The following DMD variants were observed in gnomAD, a reference collection of about 807,000 sequenced individuals.
DMD encodes dystrophin.
A neutral mutation model predicts 330.1 loss-of-function variants in DMD; 63 were observed. That is an observed-to-expected ratio of 0.19 (90% CI 0.16 to 0.24). The LOEUF (loss-of-function observed/expected upper bound fraction) is 0.24. DMD is among the 10% of genes least tolerant of loss of function. DMD has a pLI of 1.00. For missense variants in DMD, 3,344 were observed against 2,684.1 expected, an observed-to-expected ratio of 1.25 and a Z score of -5.43; for synonymous variants, 1,223 against 959.8, an observed-to-expected ratio of 1.27 and a Z score of -5.07.
Position 32,645,132 on chromosome X carries a change from G to C in DMD, c.981C>G (p.Asp327Glu), listed in dbSNP as rs1017929989. The change falls in exon 10 of 79, where the codon GAC (aspartate) becomes GAG (glutamate). Residue 327 changes from aspartate to glutamate, a missense_variant. Physicochemically the swap from Asp to Glu is conservative, Grantham distance 45 (BLOSUM62 2). Coordinates refer to ENST00000357033, the MANE Select transcript of DMD (RefSeq NM_004006.3). Reference sequence around the variant, plus strand: ...CCATCAATGAACTGCCAAATGACTTGTCTTCAGGAGCTTCCAAATGCTGCA... The same window carrying C: ...CCATCAATGAACTGCCAAATGACTTCTCTTCAGGAGCTTCCAAATGCTGCA... Reference protein sequence around the residue: ...FPSQHLEAPEDKSFGSSLMES... With the variant: ...FPSQHLEAPEEKSFGSSLMES... 2.1e-5 allele frequency: 25 copies of C among 1,209,679 alleles called. No homozygotes were observed. The East Asian group carries it at 7.4e-4, about 36-fold the overall frequency.
At chrX:32,866,861 G>A (rs2082554157) in intron 2 of DMD, among the ~76,000 whole-genome samples, 1 of 109,956 alleles carries the variant, frequency 9.1e-6, no homozygotes. Flanking sequence ...AGCCTTCCAA[G>A]TAGCTGGGAT....
At chrX:32,923,432 A>T (rs143149463) in intron 2 of DMD, among the ~76,000 whole-genome samples, 1,995 of 109,392 alleles carry the variant, frequency 0.018, 43 homozygotes, top group African/African-American at 0.063. Flanking sequence ...GTGGTGGCAC[A>T]CCCCTGTAAT....
intron 9 of DMD, among the ~76,000 whole-genome samples, chrX:32,677,384 T>A (rs2062044716): frequency 9.0e-6 from 1 of 111,587 alleles, no homozygotes; most frequent in Non-Finnish European, 1.9e-5. Context: ...ATGTGCATAT[T>A]TCCACTGAAC....
rs189155854 is a variant in DMD, at chrX:31,574,838, C to A, written c.8217+52835G>T. Among the ~76,000 whole-genome samples the A allele has an allele frequency of 3.6e-5, 4 of 111,743 alleles. No homozygotes were observed. In the East Asian group the frequency reaches 1.1e-3, roughly 31 times the overall value. On this transcript the variant is annotated intron_variant, in intron 55 of 78. Transcript: ENST00000357033. ...ATTCTCAAGAGACAAAATAAAACTA[C>A]GATTTTCTAATCGTAGTTACTTTTC...
At chrX:31,652,161 C>T (rs1397598246) in intron 54 of DMD, among the ~76,000 whole-genome samples, 10 of 111,784 alleles carry the variant, frequency 8.9e-5, no homozygotes. Context: ...TTTTTCCCCC[C>T]CAATTATACA....
chrX:31,361,796 G>A (rs1195120828), intron 60 of DMD, among the ~76,000 whole-genome samples: 2 of 84,394 alleles, frequency 2.4e-5, no homozygotes, highest in South Asian at 6.0e-4. Context: ...TTTTTGAGAC[G>A]TCCTGCTCTG....
chrX:31,902,711 A>T (rs2149819702), intron 47 of DMD, among the ~76,000 whole-genome samples: 1 of 111,951 alleles, frequency 8.9e-6, no homozygotes, highest in East Asian at 2.8e-4. Flanking sequence ...TCTCCTAGGT[A>T]TAAAGCATTA....
intron 7 of DMD, among the ~76,000 whole-genome samples, chrX:32,723,959 G>A (rs1047822017): frequency 2.7e-5 from 3 of 111,194 alleles, no homozygotes; most frequent in South Asian, 3.7e-4. Context: ...AGCTGTCCTG[G>A]GCCACATGTA....
intron 11 of DMD, among the ~76,000 whole-genome samples, chrX:32,638,706 G>A (rs773014859): frequency 7.2e-5 from 8 of 111,602 alleles, no homozygotes; most frequent in Non-Finnish European, 1.1e-4. Flanking sequence ...TTACTGCAAC[G>A]AATTCAATTC....
chrX:32,400,185 C>G (rs1368134564), intron 30 of DMD, among the ~76,000 whole-genome samples: 1 of 111,745 alleles, frequency 8.9e-6, no homozygotes, highest in African/African-American at 3.3e-5. Context: ...TGAATTTTGT[C>G]AAAGGCTTTT....
intron 59 of DMD, among the ~76,000 whole-genome samples, chrX:31,473,720 A>AAAAAAAAAG (rs1556654300): frequency 3.8e-5 from 4 of 104,381 alleles, no homozygotes; most frequent in Non-Finnish European, 7.8e-5. Context: ...TCAAAAAAAA[A>AAAAAAAAAG]AAAAAAAAGA....
intron 56 of DMD, among the ~76,000 whole-genome samples, chrX:31,506,215 T>C (rs1246931808): frequency 9.0e-6 from 1 of 111,452 alleles, no homozygotes; most frequent in African/African-American, 3.3e-5. Context: ...ATGCAGATTT[T>C]CCTCCTTATA....
intron 21 of DMD, among the ~76,000 whole-genome samples, chrX:32,472,725 A>G (rs1001270493): frequency 7.2e-5 from 8 of 110,964 alleles, no homozygotes; most frequent in African/African-American, 2.6e-4. Context: ...TTTGCCTTGG[A>G]AAAAAAATAG....
intron 3 of DMD, among the ~76,000 whole-genome samples, chrX:32,848,109 T>C (rs754700880): frequency 3.0e-4 from 34 of 111,827 alleles, no homozygotes; most frequent in Non-Finnish European, 5.1e-4. Flanking sequence ...GACCAGAGGA[T>C]TGCAACACAG....
chrX:32,936,972 C>A lies in DMD; in HGVS notation c.93+83167G>T, dbSNP rs1303427434. On this transcript the variant is annotated intron_variant, in intron 2 of 78. Transcript: ENST00000357033. ...GTTAATATGCTAATGTACATAGTCA[C>A]TTTATAAGAGGGTAGTGTAAGCAAA... 8.1e-5 allele frequency among the ~76,000 whole-genome samples: 9 copies of A among 111,498 alleles called. No individual in the cohort carries two copies. In the East Asian group the frequency reaches 2.2e-3, roughly 28 times the overall value.
At chrX:31,341,795 C>T (rs746546369) in intron 61 of DMD, among the ~76,000 whole-genome samples, 3 of 110,517 alleles carry the variant, frequency 2.7e-5, no homozygotes, top group Non-Finnish European at 5.7e-5. Context: ...GGAAAGGGCT[C>T]GAATGATTCA....
intron 39 of DMD, among the ~76,000 whole-genome samples, chrX:32,345,630 T>A (rs1413556730): frequency 9.1e-6 from 1 of 110,291 alleles, no homozygotes; most frequent in Non-Finnish European, 1.9e-5. Flanking sequence ...GTTAGGCAGG[T>A]TTTTTTCAAT....
At chrX:32,687,990 TTAAAA>T in intron 9 of DMD, among the ~76,000 whole-genome samples, 1 of 111,643 alleles carries the variant, frequency 9.0e-6, no homozygotes, top group African/African-American at 3.3e-5. Context: ...TAAAAAAGTA[TTAAAA>T]TAAATGTTTG....
intron 27 of DMD, among the ~76,000 whole-genome samples, chrX:32,444,542 T>C (rs1257222248): frequency 9.0e-6 from 1 of 110,941 alleles, no homozygotes; most frequent in East Asian, 2.8e-4. Context: ...AATAGAACAA[T>C]TTTGGAGAAC....
Sources: allele counts gnomAD v4.1 joint callset (sites outside exome capture counted in the v4.1 genomes callset), GRCh38; gene constraint gnomAD v4.1.1; transcripts MANE v1.5; gene names NCBI Gene and HGNC (gene_info 2026-07-23, HGNC 2026-07-21).